IQCH: variants seen among roughly 807,000 people sequenced by gnomAD.
IQCH encodes the protein IQ domain-containing protein H.
In IQCH, 98 loss-of-function variants were observed where a neutral mutation model predicts 117.0. The observed-to-expected ratio is 0.84, with a 90% CI of 0.71 to 0.99. The LOEUF (loss-of-function observed/expected upper bound fraction) is 0.99. Among genes scored for constraint, IQCH ranks in the 50% least tolerant of loss-of-function variants. The pLI is 0.00. For synonymous variants in IQCH, 412 were observed against 448.2 expected (o/e 0.92, Z 1.02); for missense variants, 1,102 against 1,243.8 (o/e 0.89, Z 1.72).
At position 67,413,065 on chromosome 15, in the gene IQCH, T is replaced by C. The variant is rs542712875; in HGVS notation, c.2098-3866T>C. The stretch of plus-strand genomic sequence containing the variant: ...CATGAATTGGAGTGTTTGTCTGTTA[T>C]GGAAGGTGTGTGTGTGTGTGTGTGT... On this transcript the variant is annotated intron_variant, in intron 14 of 20. Coordinates refer to ENST00000335894, the MANE Select transcript of IQCH (RefSeq NM_001031715.3). The surrounding 1 kb of genome is among the most constrained non-coding windows in gnomAD (Gnocchi z 5.0). Among the ~76,000 whole-genome samples, 1 of 144,388 alleles carries C rather than the reference T, an allele frequency of 6.9e-6. No individual in the cohort carries two copies. The highest frequency in any genetic ancestry group is 2.0e-4 in the East Asian group (1 of 5,000). 94.7% of individuals were successfully genotyped at this position (144,388 alleles called of 152,430 possible). A position where few individuals can be genotyped will look rare whatever the true frequency, so the allele number is the denominator to read the frequency against.
rs555665608 is a variant in IQCH at position 67,443,931 on chromosome 15, G to A, written c.2506-21196G>A. 6.6e-6 allele frequency among the ~76,000 whole-genome samples: 1 copy of A among 152,346 alleles called. No homozygotes were observed. The highest frequency in any genetic ancestry group is 2.1e-4 in the South Asian group (1 of 4,828). On this transcript the variant is annotated intron_variant, in intron 16 of 20. Transcript: ENST00000335894. This position sits in a 1 kb window ranked among gnomAD's most constrained non-coding sequence, Gnocchi z 5.0. Reference sequence around the variant, plus strand: ...TTTACAAATGAGGAAACTGAGGCTGGAGTGACATGTTCAAGGCCACATGAA... The same window carrying A: ...TTTACAAATGAGGAAACTGAGGCTGAAGTGACATGTTCAAGGCCACATGAA...
chr15:67,409,325 G>A (rs112633802), intron 14 of IQCH, among the ~76,000 whole-genome samples: 1,985 of 152,236 alleles, frequency 0.013, 46 homozygotes, highest in African/African-American at 0.043. Context: ...CATGCAGCGC[G>A]CACAGGGTGA....
At position 67,456,560 on chromosome 15, in the gene IQCH, C is replaced by T. The variant is rs182584639; in HGVS notation, c.2506-8567C>T. On this transcript the variant is annotated intron_variant, in intron 16 of 20. Coordinates refer to ENST00000335894, the MANE Select transcript of IQCH (RefSeq NM_001031715.3). The surrounding 1 kb of genome is among the most constrained non-coding windows in gnomAD (Gnocchi z 5.1). ...TTAGAGATTCCATCCTACATCGTATCAAATGTATTAAAAATCCATTTCATC... is the reference window on the plus strand; with the variant it reads ...TTAGAGATTCCATCCTACATCGTATTAAATGTATTAAAAATCCATTTCATC... 6.6e-6 allele frequency among the ~76,000 whole-genome samples: 1 copy of T among 152,220 alleles called. No homozygotes were observed. Among genetic ancestry groups the T allele is most frequent in the East Asian group, 1.9e-4 (1 of 5,186 alleles).
chr15:67,271,828 G>A (rs1965909618), intron 3 of IQCH, among the ~76,000 whole-genome samples: 1 of 151,752 alleles, frequency 6.6e-6, no homozygotes, highest in South Asian at 2.1e-4. Context: ...TCTTAGTCTA[G>A]CTAAAGGTTT....
At chr15:67,485,602 C>CA (rs2083451471) in intron 18 of IQCH, among the ~76,000 whole-genome samples, 1 of 152,180 alleles carries the variant, frequency 6.6e-6, no homozygotes, top group Non-Finnish European at 1.5e-5. Context: ...TAAGGAAAAT[C>CA]ACACCTGGGA....
chr15:67,470,236 T>C (rs1219031592), intron 17 of IQCH, among the ~76,000 whole-genome samples: 2 of 152,208 alleles, frequency 1.3e-5, no homozygotes, highest in African/African-American at 4.8e-5. Context: ...AGTGGCACGA[T>C]CTTGGCTCAC....
At chr15:67,301,461 G>A (rs991062337) in intron 4 of IQCH, among the ~76,000 whole-genome samples, 10 of 123,406 alleles carry the variant, frequency 8.1e-5, no homozygotes, top group African/African-American at 2.2e-4. Flanking sequence ...CCAGGCTAGA[G>A]TGCAGTGGCA....
intron 7 of IQCH, among the ~76,000 whole-genome samples, chr15:67,358,984 A>G (rs2140743440): frequency 6.6e-6 from 1 of 152,368 alleles, no homozygotes; most frequent in Middle Eastern, 3.4e-3. Context: ...GGTAAAGAAA[A>G]TCAATGTAAA....
intron 18 of IQCH, among the ~76,000 whole-genome samples, chr15:67,477,512 T>C (rs2083235651): frequency 6.6e-6 from 1 of 152,190 alleles, no homozygotes; most frequent in Admixed American, 6.5e-5. Flanking sequence ...ACACATAAAG[T>C]GGAGCTTGGA....
At chr15:67,303,194 A>G (rs1010119850) in intron 4 of IQCH, among the ~76,000 whole-genome samples, 1 of 152,166 alleles carries the variant, frequency 6.6e-6, no homozygotes, top group Non-Finnish European at 1.5e-5. Context: ...TGCGAAGCCT[A>G]CATATTTTGA....
intron 4 of IQCH, among the ~76,000 whole-genome samples, chr15:67,319,179 A>G (rs1967995232): frequency 6.6e-6 from 1 of 152,214 alleles, no homozygotes; most frequent in Admixed American, 6.5e-5. Context: ...GTGAGCCGAG[A>G]TGGGGCCACT....
At chr15:67,321,828 T>C (rs1968148324) in intron 4 of IQCH, among the ~76,000 whole-genome samples, 1 of 152,210 alleles carries the variant, frequency 6.6e-6, no homozygotes, top group Non-Finnish European at 1.5e-5. Context: ...TCCTGTACAA[T>C]ATACTCTGTA....
intron 4 of IQCH, among the ~76,000 whole-genome samples, chr15:67,336,306 G>A (rs528780370): frequency 2.6e-5 from 4 of 152,112 alleles, no homozygotes; most frequent in African/African-American, 4.8e-5. Flanking sequence ...AAACTCCTAC[G>A]ATAAAGGTAA....
intron 13 of IQCH, among the ~76,000 whole-genome samples, chr15:67,398,328 C>G (rs1971533791): frequency 1.3e-5 from 2 of 152,168 alleles, no homozygotes; most frequent in Middle Eastern, 3.4e-3. Flanking sequence ...AATATAAAAT[C>G]TATATTCTCA....
At position 67,416,973 on chromosome 15, in the gene IQCH, T is replaced by G. The variant is rs1222444956; in HGVS notation, c.2140T>G (p.Leu714Val). ...VKISEELAGI[L>V]AQHAQPVNEK... ...GATCTCTGAGGAGCTGGCGGGCATT[T>G]TAGCACAGCACGCACAGCCAGTCAA... Residue 714 changes from leucine (L) to valine (V), a missense_variant, in exon 15 of 21, where the codon TTA becomes GTA. Coordinates refer to ENST00000335894, the MANE Select transcript of IQCH (RefSeq NM_001031715.3). This position sits in a 1 kb window ranked among gnomAD's most constrained non-coding sequence, Gnocchi z 5.1. 4 of 1,607,702 alleles carry G rather than the reference T, an allele frequency of 2.5e-6. No individual in the cohort carries two copies. The highest frequency in any genetic ancestry group is 1.7e-5 in the Admixed American group (1 of 59,290).
chr15:67,484,911 G>A (rs933175664), intron 18 of IQCH, among the ~76,000 whole-genome samples: 1 of 151,684 alleles, frequency 6.6e-6, no homozygotes, highest in South Asian at 2.1e-4. Flanking sequence ...ATTAAAAAAA[G>A]GTATACTAAA....
intron 20 of IQCH, among the ~76,000 whole-genome samples, chr15:67,499,407 C>T (rs188886497): frequency 4.7e-4 from 66 of 141,118 alleles, no homozygotes; most frequent in African/African-American, 1.7e-3. Context: ...TACAATGAAA[C>T]ATTTCATACC....
rs1427672074 is a variant in IQCH at position 67,426,150 on chromosome 15, C to A, written c.2505+4573C>A. On this transcript the variant is annotated intron_variant, in intron 16 of 20. Transcript: ENST00000335894. The surrounding 1 kb of genome is among the most constrained non-coding windows in gnomAD (Gnocchi z 5.1). ...CCCTGTAAGATCTGGGCTCTTAGTG[C>A]TGCCATTGCTACTGGAGTGTCACCC... Among the ~76,000 whole-genome samples, 1 of 152,186 alleles carries A rather than the reference C, an allele frequency of 6.6e-6. No homozygotes were observed. The highest frequency in any genetic ancestry group is 1.5e-5 in the Non-Finnish European group (1 of 68,034).
intron 3 of IQCH, among the ~76,000 whole-genome samples, chr15:67,267,049 C>T (rs1458055171): frequency 6.6e-6 from 1 of 152,210 alleles, no homozygotes; most frequent in African/African-American, 2.4e-5. Context: ...AGAGCAGACG[C>T]ACCAGTGCTG....
Sources: gnomAD v4.1 joint callset for allele counts (sites outside exome capture counted in the v4.1 genomes callset) on GRCh38, gnomAD v4.1.1 for gene constraint, Gnocchi (gnomAD v3.1) non-coding constraint, MANE v1.5 for transcripts, NCBI Gene and HGNC (gene_info 2026-07-23, HGNC 2026-07-21) for gene names.